Variants in INPP4B observed in about 807,000 individuals in gnomAD.
INPP4B encodes the protein inositol polyphosphate 4-phosphatase type II.
INPP4B carries 55 observed loss-of-function variants against 122.5 expected under a neutral mutation model. The ratio of observed to expected loss-of-function variants is 0.45; its 90% CI spans 0.36 to 0.56. The LOEUF is 0.56. Ranked by LOEUF, INPP4B falls within the 20% of genes least tolerant of loss-of-function variation. The probability of loss-of-function intolerance (pLI) is 0.00; values close to 1 mark genes in which losing one functional copy is unlikely to be tolerated. For missense variants in INPP4B, 1,000 were observed against 1,097.7 expected (o/e 0.91, Z 1.26); for synonymous variants, 403 against 388.7 (o/e 1.04, Z -0.43).
At chr4:142,703,681 A>G (rs1393168799) in intron 2 of INPP4B, among the ~76,000 whole-genome samples, 1 of 152,226 alleles carries the variant, frequency 6.6e-6, no homozygotes, top group Non-Finnish European at 1.5e-5. Context: ...GAATGTTGCA[A>G]TTATTAGTAC....
In INPP4B at chr4:142,403,188, C is replaced by G. The variant is rs544643478; in HGVS notation, c.256-134G>C. The G allele has an allele frequency of 2.0e-4, 128 of 653,810 alleles. No individual in the cohort carries two copies. In the East Asian group the frequency reaches 3.0e-3, roughly 15 times the overall value. 40.5% of individuals were successfully genotyped at this position (653,810 alleles called of 1,614,324 possible). A position where few individuals can be genotyped will look rare whatever the true frequency, so the allele number is the denominator to read the frequency against. The stretch of plus-strand genomic sequence containing the variant: ...AGGAAATAGTTCTATTAGAAGAGAT[C>G]TGAATTGTCAAATCCTGCTCTTGGG... On this transcript the variant is annotated intron_variant, in intron 6 of 25. Transcript: ENST00000262992.
At chr4:142,521,931 T>A (rs1446428452) in intron 2 of INPP4B, among the ~76,000 whole-genome samples, 2 of 152,106 alleles carry the variant, frequency 1.3e-5, no homozygotes, top group Admixed American at 6.6e-5. Context: ...TTGTTTGGTA[T>A]TGAGAAATAA....
At chr4:142,196,421 T>A (rs1838243355) in intron 14 of INPP4B, among the ~76,000 whole-genome samples, 1 of 152,170 alleles carries the variant, frequency 6.6e-6, no homozygotes, top group South Asian at 2.1e-4. Flanking sequence ...TGGCTCTTCC[T>A]TCCTGATTCC....
chr4:142,405,097 A>G (rs974182013), intron 6 of INPP4B, 109 bp downstream of exon 6: 1 of 586,822 alleles, frequency 1.7e-6, no homozygotes, highest in African/African-American at 3.0e-5. Context: ...TGTTCATTCA[A>G]ATCCAGAGAT....
At chr4:142,202,509 G>A (rs1053393763) in intron 14 of INPP4B, among the ~76,000 whole-genome samples, 10 of 152,020 alleles carry the variant, frequency 6.6e-5, no homozygotes, top group South Asian at 2.1e-4. Context: ...CTTCACTGAT[G>A]AGGTGATACT....
At chr4:142,141,054 A>G (rs927699679) in intron 18 of INPP4B, among the ~76,000 whole-genome samples, 3 of 152,204 alleles carry the variant, frequency 2.0e-5, no homozygotes, top group Non-Finnish European at 4.4e-5. Context: ...TTGAAAAATG[A>G]TTGAAAAGGT....
At chr4:142,441,848 A>G (rs1811796492) in intron 3 of INPP4B, among the ~76,000 whole-genome samples, 2 of 151,510 alleles carry the variant, frequency 1.3e-5, no homozygotes, top group East Asian at 3.9e-4. Flanking sequence ...TGGGATACAT[A>G]AGCACATTTA....
chr4:142,248,322 C>G (rs1312852361), intron 11 of INPP4B, among the ~76,000 whole-genome samples: 1 of 103,522 alleles, frequency 9.7e-6, no homozygotes, highest in African/African-American at 3.2e-5. Flanking sequence ...CTGTGTTTCT[C>G]TCTCTCTCTC....
At chr4:142,482,718 T>A (rs781331812) in intron 2 of INPP4B, among the ~76,000 whole-genome samples, 8 of 152,142 alleles carry the variant, frequency 5.3e-5, no homozygotes, top group Non-Finnish European at 1.2e-4. Context: ...CAATGCTTTG[T>A]ACTGAGATTA....
chr4:142,466,064 G>A (rs1240769727), intron 2 of INPP4B, among the ~76,000 whole-genome samples: 1 of 152,082 alleles, frequency 6.6e-6, no homozygotes, highest in Admixed American at 6.6e-5. Flanking sequence ...CAGAAAATTG[G>A]TACCAAGGAA....
At chr4:142,318,027 G>C (rs1768437718) in intron 7 of INPP4B, among the ~76,000 whole-genome samples, 1 of 152,146 alleles carries the variant, frequency 6.6e-6, no homozygotes, top group Admixed American at 6.5e-5. Context: ...CAGAGCCCTT[G>C]ACACATCCCA....
At chr4:142,766,374 TG>T (rs1772126929) in intron 1 of INPP4B, among the ~76,000 whole-genome samples, 1 of 151,836 alleles carries the variant, frequency 6.6e-6, no homozygotes, top group South Asian at 2.1e-4. Flanking sequence ...AAGCATAAGG[TG>T]TTTTTTTGTT....
intron 2 of INPP4B, among the ~76,000 whole-genome samples, chr4:142,589,976 G>T (rs781483906): frequency 1.3e-5 from 2 of 152,024 alleles, no homozygotes; most frequent in Non-Finnish European, 1.5e-5. Context: ...ACTTTGGAAG[G>T]ATACAGATAA....
intron 2 of INPP4B, among the ~76,000 whole-genome samples, chr4:142,535,851 CAT>C (rs756695602): frequency 5.7e-4 from 87 of 152,214 alleles, no homozygotes; most frequent in Non-Finnish European, 1.1e-3. Flanking sequence ...CCCAAATTTA[CAT>C]ATGTACTTCT....
intron 3 of INPP4B, among the ~76,000 whole-genome samples, chr4:142,435,969 G>A (rs1810409377): frequency 6.6e-6 from 1 of 152,166 alleles, no homozygotes; most frequent in South Asian, 2.1e-4. Flanking sequence ...GGAGGGGCAG[G>A]AGCCAACATT....
intron 23 of INPP4B, among the ~76,000 whole-genome samples, chr4:142,097,215 T>C (rs931945464): frequency 1.2e-3 from 27 of 22,450 alleles, no homozygotes; most frequent in African/African-American, 1.4e-3. Context: ...TTTTTGTTTA[T>C]TTTATGTTAT....
At chr4:142,179,197 G>T (rs1327933846) in intron 15 of INPP4B, among the ~76,000 whole-genome samples, 1 of 152,176 alleles carries the variant, frequency 6.6e-6, no homozygotes, top group East Asian at 1.9e-4. Context: ...TTTGGGCTGG[G>T]CGCAGTGGCT....
chr4:142,264,504 T>C (rs775142346), intron 10 of INPP4B, among the ~76,000 whole-genome samples: 49 of 152,236 alleles, frequency 3.2e-4, no homozygotes, highest in Non-Finnish European at 4.6e-4. Context: ...GTGGTTTTAA[T>C]GCTTTATCTT....
intron 3 of INPP4B, among the ~76,000 whole-genome samples, chr4:142,462,292 G>A (rs985319722): frequency 6.6e-6 from 1 of 152,016 alleles, no homozygotes; most frequent in Non-Finnish European, 1.5e-5. Flanking sequence ...GATATCTACT[G>A]AATCTCCTCT....
Sources: gnomAD v4.1 joint callset for allele counts (sites outside exome capture counted in the v4.1 genomes callset) on GRCh38, gnomAD v4.1.1 for gene constraint, MANE v1.5 for transcripts, NCBI Gene and HGNC (gene_info 2026-07-23, HGNC 2026-07-21) for gene names.